Variants in MRPS27 observed in about 807,000 individuals in gnomAD.
MRPS27 encodes mitochondrial ribosomal protein S27.
MRPS27 carries 43 observed loss-of-function variants against 48.9 expected under a neutral mutation model. The observed-to-expected ratio is 0.88, with a 90% confidence interval of 0.69 to 1.13. The LOEUF (loss-of-function observed/expected upper bound fraction) is 1.13, where lower values mean the gene tolerates loss of function less well. Among genes scored for constraint, MRPS27 ranks in the 50% most tolerant of loss-of-function variants. The pLI, the probability that MRPS27 is intolerant of heterozygous loss-of-function variation, is 0.00. For synonymous variants in MRPS27, 188 were observed against 171.9 expected, an observed-to-expected ratio of 1.09 and a Z score of -0.73; for missense variants, 467 against 476.3, an observed-to-expected ratio of 0.98 and a Z score of 0.18.
At chr5:72,228,463 T>C (rs956865723) in intron 7 of MRPS27, 95 bp from the exon 8 acceptor site, 2 of 762,340 alleles carry the variant, frequency 2.6e-6, no homozygotes, top group East Asian at 2.5e-5. Context: ...GAACATGTTA[T>C]AGCATTAAGT....
At chr5:72,271,756 C>G (rs897447377) in intron 4 of MRPS27, among the ~76,000 whole-genome samples, 1 of 152,116 alleles carries the variant, frequency 6.6e-6, no homozygotes, top group Non-Finnish European at 1.5e-5. Context: ...TTCAAATAAT[C>G]AGTATTAATA....
chr5:72,226,195 C>T lies in MRPS27; in HGVS notation c.699G>A (p.Lys233=). ...SQLYGYALLG[K]VELQQGLRAV... Reference sequence around the variant, plus strand: ...CCCGTAGCCCTTGCTGCAACTCCACCTTCCCTGTGGCCAAAAAGAACAATA... The same window carrying T: ...CCCGTAGCCCTTGCTGCAACTCCACTTTCCCTGTGGCCAAAAAGAACAATA... The change falls in exon 9 of 11, where the codon AAG becomes AAA. Residue 233 remains lysine (K), a synonymous_variant. Coordinates refer to ENST00000261413, the MANE Select transcript of MRPS27 (RefSeq NM_015084.3). 1 of 1,613,602 alleles carries T rather than the reference C, an allele frequency of 6.2e-7. No homozygotes were observed. The highest frequency in any genetic ancestry group is 8.5e-7 in the Non-Finnish European group (1 of 1,179,648).
intron 8 of MRPS27, chr5:72,227,860 A>G (rs1316734776): frequency 4.8e-6 from 1 of 207,362 alleles, no homozygotes; most frequent in East Asian, 1.0e-4. Context: ...AATACCAAAG[A>G]TACAAGTTCA....
chr5:72,304,506 A>T (rs1008001342), intron 2 of MRPS27, among the ~76,000 whole-genome samples: 3 of 152,238 alleles, frequency 2.0e-5, no homozygotes, highest in African/African-American at 7.2e-5. Context: ...AAGCCAAAAT[A>T]AAGCTGGTAC....
intron 4 of MRPS27, among the ~76,000 whole-genome samples, chr5:72,259,415 C>T (rs916878070): frequency 6.7e-6 from 1 of 149,900 alleles, no homozygotes; most frequent in Admixed American, 6.7e-5. Flanking sequence ...TTGCAGTGAG[C>T]CAAGATCATG....
intron 4 of MRPS27, among the ~76,000 whole-genome samples, chr5:72,293,201 C>T (rs1749877396): frequency 6.6e-6 from 1 of 151,974 alleles, no homozygotes; most frequent in African/African-American, 2.4e-5. Flanking sequence ...CGAGAGAACC[C>T]AGCCAATCTC....
At chr5:72,300,307 C>T (rs1468526115) in intron 2 of MRPS27, among the ~76,000 whole-genome samples, 2 of 152,166 alleles carry the variant, frequency 1.3e-5, no homozygotes, top group African/African-American at 4.8e-5. Flanking sequence ...TGGAGTGCCT[C>T]TAGGACTCTA....
Position 72,223,864 on chromosome 5 carries a change from A to G in MRPS27, c.838-14T>C. 1 of 1,610,904 alleles carries G rather than the reference A, an allele frequency of 6.2e-7. No homozygotes were observed. The highest frequency in any genetic ancestry group is 8.5e-7 in the Non-Finnish European group (1 of 1,177,794). ...CAGCACATCGAGCTGTGGAGCAGAA[A>G]GAGGGTCAGCAACCAAATGTTTTAT... is the stretch of plus-strand genomic sequence containing the variant. On this transcript the variant is annotated splice_polypyrimidine_tract_variant and intron_variant, in intron 9 of 10. Coordinates refer to ENST00000261413, the MANE Select transcript of MRPS27 (RefSeq NM_015084.3).
chr5:72,225,199 G>C (rs530872611), intron 9 of MRPS27, among the ~76,000 whole-genome samples: 1 of 152,338 alleles, frequency 6.6e-6, no homozygotes, highest in Admixed American at 6.5e-5. Flanking sequence ...GTCTGGCAAA[G>C]AGCATAATGA....
At chr5:72,239,659 C>G (rs1748299124) in intron 4 of MRPS27, among the ~76,000 whole-genome samples, 1 of 152,016 alleles carries the variant, frequency 6.6e-6, no homozygotes, top group African/African-American at 2.4e-5. Context: ...CCATGTTTTC[C>G]CTCATATTTG....
chr5:72,298,896 GA>G (rs1750056507), intron 2 of MRPS27, among the ~76,000 whole-genome samples: 1 of 151,442 alleles, frequency 6.6e-6, no homozygotes, highest in African/African-American at 2.4e-5. Context: ...ATTGGATACA[GA>G]AAATATGGTA....
At chr5:72,250,343 G>T (rs1375836633) in intron 4 of MRPS27, among the ~76,000 whole-genome samples, 41 of 152,152 alleles carry the variant, frequency 2.7e-4, no homozygotes, top group Admixed American at 2.7e-3. Flanking sequence ...GTTCTGTGTT[G>T]AGTTTTTCAA....
intron 2 of MRPS27, among the ~76,000 whole-genome samples, chr5:72,300,953 A>G (rs1375710276): frequency 1.3e-5 from 2 of 152,256 alleles, no homozygotes; most frequent in African/African-American, 4.8e-5. Flanking sequence ...AGTTCCATAA[A>G]AGGCACCTAG....
intron 4 of MRPS27, among the ~76,000 whole-genome samples, chr5:72,257,715 G>C (rs1483837381): frequency 6.6e-6 from 1 of 150,824 alleles, no homozygotes; most frequent in Non-Finnish European, 1.5e-5. Flanking sequence ...TTTAAAAATG[G>C]CTATCTCAGT....
Position 72,223,761 on chromosome 5 carries a change from C to A in MRPS27, c.927G>T (p.Gly309=), listed in dbSNP as rs538301314. The change falls in exon 10 of 11, where the codon GGG becomes GGT. Residue 309 remains glycine, a synonymous_variant. Transcript: ENST00000261413. ...CTAACTGCTCCACCAGTTTTTCTGACCCCTGGTTGTCTTCATCATTTTGGG... is the reference window on the plus strand; with the variant it reads ...CTAACTGCTCCACCAGTTTTTCTGAACCCTGGTTGTCTTCATCATTTTGGG... The part of the protein sequence containing the change: ...EQSQNDEDNQ[G]SEKLVEQLDI... 8 of 1,614,002 alleles carry A rather than the reference C, an allele frequency of 5.0e-6. No homozygotes were observed. In the Admixed American group the frequency reaches 8.3e-5, roughly 17 times the overall value.
At chr5:72,291,272 T>C (rs1417801145) in intron 4 of MRPS27, among the ~76,000 whole-genome samples, 4 of 152,038 alleles carry the variant, frequency 2.6e-5, no homozygotes, top group Non-Finnish European at 5.9e-5. Context: ...GAAATAAAAA[T>C]AAGTCTAAGC....
At chr5:72,256,913 G>C (rs931820132) in intron 4 of MRPS27, among the ~76,000 whole-genome samples, 2 of 152,122 alleles carry the variant, frequency 1.3e-5, no homozygotes, top group African/African-American at 4.8e-5. Flanking sequence ...AGATGCCGTG[G>C]TACGATCCTG....
At chr5:72,260,608 T>C (rs886857736) in intron 4 of MRPS27, among the ~76,000 whole-genome samples, 1 of 152,198 alleles carries the variant, frequency 6.6e-6, no homozygotes, top group African/African-American at 2.4e-5. Flanking sequence ...CTACCAATTC[T>C]GTTTTTCTTT....
intron 4 of MRPS27, among the ~76,000 whole-genome samples, chr5:72,265,620 A>C (rs1749089521): frequency 2.0e-5 from 3 of 152,206 alleles, no homozygotes. Context: ...AGCGTTCTTT[A>C]CTAACTTCTA....
Sources: gnomAD v4.1 joint callset for allele counts (sites outside exome capture counted in the v4.1 genomes callset) on GRCh38, gnomAD v4.1.1 for gene constraint, MANE v1.5 for transcripts, NCBI Gene and HGNC (gene_info 2026-07-23, HGNC 2026-07-21) for gene names.